RABGAP1: variants seen among roughly 807,000 people sequenced by gnomAD.
RABGAP1 encodes rab GTPase-activating protein 1.
In RABGAP1, 23 loss-of-function variants were observed where a neutral mutation model predicts 137.6. The ratio of observed to expected loss-of-function variants is 0.17; its 90% CI spans 0.12 to 0.24. The LOEUF is 0.24. Ranked by LOEUF, RABGAP1 falls within the 10% of genes least tolerant of loss-of-function variation. RABGAP1 has a pLI of 1.00. For synonymous variants in RABGAP1, 451 were observed against 450.7 expected, an observed-to-expected ratio of 1.00 and a Z score of -0.01; for missense variants, 906 against 1,275.8, an observed-to-expected ratio of 0.71 and a Z score of 4.42.
intron 13 of RABGAP1, chr9:123,034,875 G>C (rs1429748965): frequency 1.1e-5 from 17 of 1,613,920 alleles, no homozygotes; most frequent in Non-Finnish European, 1.4e-5. Flanking sequence ...TGACTTGCCA[G>C]ATATTTGGTT....
chr9:123,050,836 A>G (rs2033421828), intron 13 of RABGAP1, among the ~76,000 whole-genome samples: 1 of 152,234 alleles, frequency 6.6e-6, no homozygotes, highest in Admixed American at 6.5e-5. Flanking sequence ...TCCATGGGGA[A>G]AAATATGTAT....
chr9:123,088,957 G>T (rs1041174911), intron 19 of RABGAP1, among the ~76,000 whole-genome samples: 7 of 152,208 alleles, frequency 4.6e-5, no homozygotes, highest in African/African-American at 1.7e-4. Flanking sequence ...CTTCAAGAGG[G>T]TTCTTTCATA....
At chr9:122,973,480 G>T (rs1004591966) in intron 2 of RABGAP1, among the ~76,000 whole-genome samples, 4 of 151,862 alleles carry the variant, frequency 2.6e-5, no homozygotes, top group African/African-American at 9.7e-5. Context: ...TGATCCACCC[G>T]CCTCGGCCTC....
At chr9:123,008,790 A>C (rs1415843549) in intron 10 of RABGAP1, among the ~76,000 whole-genome samples, 1 of 152,174 alleles carries the variant, frequency 6.6e-6, no homozygotes, top group Non-Finnish European at 1.5e-5. Flanking sequence ...TACTTGTGGA[A>C]CTTGGATTTA....
chr9:123,073,601 A>G lies in RABGAP1; in HGVS notation c.2033A>G (p.Tyr678Cys), dbSNP rs763320100. ...FSVLVKIMFDYGLRELFKQNF... is the reference protein window; with the variant it reads ...FSVLVKIMFDCGLRELFKQNF... ...GTTCTGGTCAAGATCATGTTTGACTATGGGCTCAGGGAACTTTTCAAGCAA... is the reference window on the plus strand; with the variant it reads ...GTTCTGGTCAAGATCATGTTTGACTGTGGGCTCAGGGAACTTTTCAAGCAA... Residue 678 changes from tyrosine (Y) to cysteine (C), a missense_variant, in exon 16 of 26, where the codon TAT (tyrosine) becomes TGT (cysteine). Around this residue, in one of 9 missense-constraint regions of RABGAP1, gnomAD observed 30 missense variants for 105.8 expected, o/e 0.28. Transcript: ENST00000373647. The G allele has an allele frequency of 4.3e-6, 7 of 1,613,944 alleles. No individual in the cohort carries two copies. The highest frequency in any genetic ancestry group is 2.5e-6 in the Non-Finnish European group (3 of 1,179,838).
rs538711997 is a variant in RABGAP1 at position 123,009,374 on chromosome 9, A to G, written c.1375-980A>G. ...TTTAAGAACCCAAATGAACATTGCA[A>G]TGATAAAAATCTGCTCTGGCTGATA... On this transcript the variant is annotated intron_variant, in intron 10 of 25. Coordinates refer to ENST00000373647, the MANE Select transcript of RABGAP1 (RefSeq NM_012197.4). Among the ~76,000 whole-genome samples the G allele has an allele frequency of 4.6e-5, 7 of 152,336 alleles. No homozygotes were observed. The East Asian group carries it at 5.8e-4, about 13-fold the overall frequency.
At chr9:122,999,048 T>C (rs1837188848) in intron 10 of RABGAP1, among the ~76,000 whole-genome samples, 1 of 152,222 alleles carries the variant, frequency 6.6e-6, no homozygotes, top group Non-Finnish European at 1.5e-5. Flanking sequence ...TAAACTTCTC[T>C]AGATGAAAAT....
intron 13 of RABGAP1, among the ~76,000 whole-genome samples, chr9:123,026,625 G>A (rs2031986942): frequency 6.6e-6 from 1 of 152,134 alleles, no homozygotes. Context: ...TCAGAGGGAA[G>A]AAAGCTTAAT....
chr9:122,988,646 A>C (rs550536933), intron 4 of RABGAP1, among the ~76,000 whole-genome samples: 2 of 151,886 alleles, frequency 1.3e-5, no homozygotes, highest in South Asian at 4.1e-4. Flanking sequence ...TTTAAAGGAG[A>C]TAATTAGAAG....
At position 123,099,528 on chromosome 9, in the gene RABGAP1, G is replaced by C; in HGVS notation, c.2868G>C (p.Lys956Asn). Residue 956 changes from lysine (K) to asparagine (N), a missense_variant, in exon 24 of 26, where the codon AAG (lysine) becomes AAC (asparagine). Lys to Asn is a moderately conservative substitution (Grantham distance 94). Around this residue, in one of 9 missense-constraint regions of RABGAP1, gnomAD observed 193 missense variants for 248.1 expected, o/e 0.78. Transcript: ENST00000373647. ...ERLEKQQTAN[K>N]VEIEKIRQKV... Reference sequence around the variant, plus strand: ...TGGAGAAGCAGCAGACAGCCAATAAGGTGGAAATTGAGAAAATTCGGGTAA... The same window carrying C: ...TGGAGAAGCAGCAGACAGCCAATAACGTGGAAATTGAGAAAATTCGGGTAA... 6.2e-7 allele frequency: 1 copy of C among 1,612,370 alleles called. No individual in the cohort carries two copies. Among genetic ancestry groups the C allele is most frequent in the Non-Finnish European group, 8.5e-7 (1 of 1,178,488 alleles).
chr9:122,937,607 C>A (rs1315708620), upstream of RABGAP1: 1 of 151,104 alleles, frequency 6.6e-6, no homozygotes, highest in East Asian at 2.0e-4. Context: ...CAAAAAAAAA[C>A]AAACAAACAG....
At chr9:123,044,626 CGTGTGT>C (rs68089109) in intron 13 of RABGAP1, among the ~76,000 whole-genome samples, 36 of 149,066 alleles carry the variant, frequency 2.4e-4, no homozygotes, top group South Asian at 1.9e-3. Context: ...AACACACGTA[CGTGTGT>C]GTGTGTGTGT....
intron 6 of RABGAP1, among the ~76,000 whole-genome samples, chr9:122,995,190 TTTATAA>T (rs1355697522): frequency 6.6e-6 from 1 of 152,198 alleles, no homozygotes; most frequent in African/African-American, 2.4e-5. Flanking sequence ...TAGTTAGTAT[TTTATAA>T]TTATTACACT....
intron 2 of RABGAP1, among the ~76,000 whole-genome samples, chr9:122,973,008 C>CT (rs200957439): frequency 1.1e-4 from 16 of 143,526 alleles, no homozygotes; most frequent in South Asian, 4.4e-4. Context: ...AGGTATATTT[C>CT]TTTTTTTTTT....
intron 1 of RABGAP1, among the ~76,000 whole-genome samples, chr9:122,946,476 A>G (rs1348886045): frequency 1.3e-5 from 2 of 152,308 alleles, no homozygotes; most frequent in East Asian, 3.9e-4. Context: ...AAAAATACTC[A>G]TATTTTTACA....
chr9:122,943,360 C>T (rs951159449), intron 1 of RABGAP1, among the ~76,000 whole-genome samples: 1 of 152,120 alleles, frequency 6.6e-6, no homozygotes, highest in African/African-American at 2.4e-5. Context: ...TGAGCCACTG[C>T]GCCCGGCCAC....
chr9:122,958,386 A>G (rs1225297568), intron 2 of RABGAP1, among the ~76,000 whole-genome samples: 4 of 152,208 alleles, frequency 2.6e-5, no homozygotes, highest in African/African-American at 7.2e-5. Flanking sequence ...GAAAATAAAT[A>G]TATCAAGTAA....
intron 13 of RABGAP1, among the ~76,000 whole-genome samples, chr9:123,055,197 G>C (rs991867435): frequency 1.3e-5 from 2 of 151,818 alleles, no homozygotes; most frequent in Non-Finnish European, 2.9e-5. Context: ...TTCTTTTATT[G>C]ATTGATTGAC....
intron 14 of RABGAP1, among the ~76,000 whole-genome samples, chr9:123,068,348 C>CAAAAAAAA (rs998962006): frequency 3.0e-5 from 2 of 66,532 alleles, no homozygotes; most frequent in Non-Finnish European, 3.8e-5. Flanking sequence ...GACTCCATCT[C>CAAAAAAAA]AAAAAAAAAA....
Sources: allele counts gnomAD v4.1 joint callset (sites outside exome capture counted in the v4.1 genomes callset), GRCh38; gene constraint gnomAD v4.1.1; regional missense constraint gnomAD v4.1.1; transcripts MANE v1.5; gene names NCBI Gene and HGNC (gene_info 2026-07-23, HGNC 2026-07-21).